Variants in ADAMTS18 observed in about 807,000 individuals in gnomAD.
The protein encoded by ADAMTS18 is A disintegrin and metalloproteinase with thrombospondin motifs 18.
Under a neutral mutation model 165.9 loss-of-function variants are expected in ADAMTS18, and 157 were observed. The ratio of observed to expected loss-of-function variants is 0.95; its 90% CI spans 0.83 to 1.08. The LOEUF (loss-of-function observed/expected upper bound fraction) is 1.08, where lower values mean the gene tolerates loss of function less well. Ranked by LOEUF, ADAMTS18 falls within the 50% of genes least tolerant of loss-of-function variation. The pLI, the probability that ADAMTS18 is intolerant of heterozygous loss-of-function variation, is 0.00. For missense variants in ADAMTS18, 2,040 were observed against 1,534.0 expected (o/e 1.33, Z -5.51); for synonymous variants, 782 against 578.2 (o/e 1.35, Z -5.06).
intron 3 of ADAMTS18, among the ~76,000 whole-genome samples, chr16:77,390,266 AG>A (rs2144787677): frequency 1.3e-5 from 2 of 152,372 alleles, no homozygotes; most frequent in South Asian, 4.1e-4. Context: ...TAATAAATGT[AG>A]ATTTATCAGG....
At chr16:77,319,361 T>C (rs1465179085) in intron 16 of ADAMTS18, among the ~76,000 whole-genome samples, 1 of 152,204 alleles carries the variant, frequency 6.6e-6, no homozygotes, top group Non-Finnish European at 1.5e-5. Flanking sequence ...GGAGGCCATT[T>C]GGGTTCCTGT....
chr16:77,301,713 C>CT, intron 16 of ADAMTS18, among the ~76,000 whole-genome samples: 1 of 152,194 alleles, frequency 6.6e-6, no homozygotes, highest in East Asian at 1.9e-4. Context: ...TACAAAATGA[C>CT]TTCTATTTTG....
rs765252327 is a variant in ADAMTS18, at chr16:77,319,871, G to C, written c.2510C>G (p.Thr837Arg). The change falls in exon 16 of 23, where the codon ACA (threonine) becomes AGA (arginine). Residue 837 changes from threonine (T) to arginine (R), a missense_variant. Coordinates refer to ENST00000282849, the MANE Select transcript of ADAMTS18 (RefSeq NM_199355.4). ...TACTTCAAAGACCAGCGTCTCATTT[G>C]TGGGCCCTGGCGCGTACAGACGTTC... ...RPERLYAPGP[T>R]NETLVFEILM... is the part of the protein sequence containing the mutation. 1.2e-6 allele frequency: 2 copies of C among 1,614,210 alleles called. No individual in the cohort carries two copies. Among genetic ancestry groups the C allele is most frequent in the Non-Finnish European group, 1.7e-6 (2 of 1,180,036 alleles).
chr16:77,339,338 A>G (rs2056362960), intron 11 of ADAMTS18, among the ~76,000 whole-genome samples: 1 of 152,122 alleles, frequency 6.6e-6, no homozygotes, highest in African/African-American at 2.4e-5. Context: ...ACCAGTATAT[A>G]ACTATAGCCT....
At chr16:77,390,476 G>A (rs1205498091) in intron 3 of ADAMTS18, among the ~76,000 whole-genome samples, 1 of 152,056 alleles carries the variant, frequency 6.6e-6, no homozygotes, top group African/African-American at 2.4e-5. Flanking sequence ...CAGATCACAA[G>A]GTCAGGAGTT....
chr16:77,364,497 T>C (rs2056763972), intron 4 of ADAMTS18, 116 bp from the exon 5 acceptor site: 1 of 1,113,334 alleles, frequency 9.0e-7, no homozygotes, highest in East Asian at 2.6e-5. Context: ...ACACCACCAA[T>C]CCACTAACAA....
chr16:77,391,403 A>G (rs1044340103), intron 3 of ADAMTS18, among the ~76,000 whole-genome samples: 1 of 151,954 alleles, frequency 6.6e-6, no homozygotes, highest in South Asian at 2.1e-4. Context: ...AAGCAGAAGA[A>G]TCGCTTGAAC....
intron 12 of ADAMTS18, among the ~76,000 whole-genome samples, chr16:77,332,105 C>G (rs902565322): frequency 6.6e-6 from 1 of 152,118 alleles, no homozygotes; most frequent in Non-Finnish European, 1.5e-5. Context: ...AGTGAGGAAT[C>G]TGGAGCAGGA....
At position 77,363,559 on chromosome 16, in the gene ADAMTS18, T is replaced by C. The variant is rs532544560; in HGVS notation, c.1056+243A>G. Among the ~76,000 whole-genome samples, 3 of 150,972 alleles carry C rather than the reference T, an allele frequency of 2.0e-5. No individual in the cohort carries two copies. In the South Asian group the frequency reaches 6.3e-4, roughly 31 times the overall value. On this transcript the variant is annotated intron_variant, in intron 6 of 22. Coordinates refer to ENST00000282849, the MANE Select transcript of ADAMTS18 (RefSeq NM_199355.4). ...CTATTTGTATATTATTTAGTACTTA[T>C]GTACCATTATTTATGTATACATATG...
At position 77,297,862 on chromosome 16, in the gene ADAMTS18, G is replaced by A. The variant is rs961954684; in HGVS notation, c.2675-447C>T. The stretch of plus-strand genomic sequence containing the variant: ...AGAGCATGGGGCACATAAAAGCAAA[G>A]AGTAGAACTCACTAAATATGTATTA... On this transcript the variant is annotated intron_variant, in intron 17 of 22. Coordinates refer to ENST00000282849, the MANE Select transcript of ADAMTS18 (RefSeq NM_199355.4). 1.8e-4 allele frequency among the ~76,000 whole-genome samples: 26 copies of A among 146,524 alleles called. 1 individual carries two copies. Among genetic ancestry groups the A allele is most frequent in the African/African-American group, 6.0e-4 (24 of 40,132 alleles).
chr16:77,391,322 G>A (rs1349292484), intron 3 of ADAMTS18, among the ~76,000 whole-genome samples: 2 of 152,064 alleles, frequency 1.3e-5, no homozygotes, highest in Admixed American at 1.3e-4. Context: ...GGCCAACATG[G>A]TGAAACTCTG....
At chr16:77,319,728 C>A in intron 16 of ADAMTS18, 121 bp downstream of exon 16, 1 of 1,503,840 alleles carries the variant, frequency 6.6e-7, no homozygotes, top group Non-Finnish European at 9.2e-7. Context: ...CAGGCATGAG[C>A]CACCATGCCC....
intron 11 of ADAMTS18, among the ~76,000 whole-genome samples, chr16:77,338,927 C>G (rs1180770666): frequency 6.8e-6 from 1 of 147,964 alleles, no homozygotes; most frequent in Non-Finnish European, 1.5e-5. Flanking sequence ...GCACTCCAGC[C>G]TGGGCGACAG....
chr16:77,420,386 G>A (rs1377926326), intron 3 of ADAMTS18, among the ~76,000 whole-genome samples: 1 of 152,014 alleles, frequency 6.6e-6, no homozygotes, highest in Admixed American at 6.6e-5. Context: ...TGTGCATTAG[G>A]ACTACCCTGG....
Position 77,403,971 on chromosome 16 carries a change from G to T in ADAMTS18, c.495+27324C>A, listed in dbSNP as rs2057362761. Reference sequence around the variant, plus strand: ...GGAGCAGAGATCTGAATGACAATTGGAGTTTTAAACTGGAAGCAACCCACC... The same window carrying T: ...GGAGCAGAGATCTGAATGACAATTGTAGTTTTAAACTGGAAGCAACCCACC... On this transcript the variant is annotated intron_variant, in intron 3 of 22. Coordinates refer to ENST00000282849, the MANE Select transcript of ADAMTS18 (RefSeq NM_199355.4). 2.0e-5 allele frequency among the ~76,000 whole-genome samples: 3 copies of T among 151,862 alleles called. No homozygotes were observed. In the South Asian group the frequency reaches 6.2e-4, roughly 32 times the overall value.
chr16:77,364,213 G>A lies in ADAMTS18; in HGVS notation c.947C>T (p.Thr316Ile). 3 of 1,614,082 alleles carry A rather than the reference G, an allele frequency of 1.9e-6. No homozygotes were observed. The highest frequency in any genetic ancestry group is 2.5e-6 in the Non-Finnish European group (3 of 1,180,018). ...VEKHGKGNVT[T>I]YILTVMNMVS... ...CATGTTCATTACTGTGAGAATGTAT[G>A]TGGTGACATTTCCCTTGCCATGCTT... is the stretch of plus-strand genomic sequence containing the variant. Residue 316 changes from threonine (T) to isoleucine (I), a missense_variant, in exon 5 of 23, where the codon ACA (threonine) becomes ATA (isoleucine). Transcript: ENST00000282849.
intron 8 of ADAMTS18, among the ~76,000 whole-genome samples, chr16:77,357,727 T>C (rs1249612303): frequency 6.6e-6 from 1 of 152,214 alleles, no homozygotes; most frequent in Admixed American, 6.5e-5. Context: ...TAGAAGATGA[T>C]AACATATTTT....
intron 11 of ADAMTS18, among the ~76,000 whole-genome samples, chr16:77,337,593 T>G (rs976395539): frequency 2.6e-5 from 4 of 152,210 alleles, no homozygotes; most frequent in Admixed American, 1.3e-4. Flanking sequence ...CACTTCTACT[T>G]CTCATCTTGG....
chr16:77,393,959 T>A (rs2057224079), intron 3 of ADAMTS18, among the ~76,000 whole-genome samples: 1 of 152,208 alleles, frequency 6.6e-6, no homozygotes, highest in African/African-American at 2.4e-5. Flanking sequence ...ATTCAGCTGG[T>A]CCTGGCTATG....
Sources: gnomAD v4.1 joint callset for allele counts (sites outside exome capture counted in the v4.1 genomes callset) on GRCh38, gnomAD v4.1.1 for gene constraint, MANE v1.5 for transcripts, NCBI Gene and HGNC (gene_info 2026-07-23, HGNC 2026-07-21) for gene names.